Variants in NRG2 observed in about 807,000 individuals in gnomAD.
NRG2 encodes the protein pro-neuregulin-2, membrane-bound isoform.
In NRG2, 27 loss-of-function variants were observed where a neutral mutation model predicts 73.9. The ratio of observed to expected loss-of-function variants is 0.37; its 90% CI spans 0.27 to 0.50. The LOEUF is 0.50. NRG2 is among the 20% of genes least tolerant of loss of function. The probability of loss-of-function intolerance (pLI) is 0.96; values close to 1 mark genes in which losing one functional copy is unlikely to be tolerated. For synonymous variants in NRG2, 532 were observed against 541.0 expected (o/e 0.98, Z 0.23); for missense variants, 1,126 against 1,210.1 (o/e 0.93, Z 1.03).
At chr5:139,990,273 ATATTTTATTT>A (rs56983805) in intron 1 of NRG2, among the ~76,000 whole-genome samples, 44,986 of 145,688 alleles carry the variant, frequency 0.31, 7,320 homozygotes, top group East Asian at 0.6. Context: ...CCCACTAGCA[ATATTTTATTT>A]TATTTTATTT....
At chr5:139,864,051 C>T (rs750156117) in intron 5 of NRG2, among the ~76,000 whole-genome samples, 22 of 152,180 alleles carry the variant, frequency 1.4e-4, no homozygotes, top group Non-Finnish European at 2.1e-4. Flanking sequence ...AGAGTTCTAC[C>T]TCCCAGTATC....
At chr5:139,901,230 G>C (rs1267459388) in intron 1 of NRG2, among the ~76,000 whole-genome samples, 2 of 152,226 alleles carry the variant, frequency 1.3e-5, no homozygotes, top group African/African-American at 2.4e-5. Flanking sequence ...AGACTGATGA[G>C]TCCTGGTCTG....
intron 1 of NRG2, among the ~76,000 whole-genome samples, chr5:139,936,929 G>A (rs1179808141): frequency 6.6e-6 from 1 of 152,194 alleles, no homozygotes; most frequent in Non-Finnish European, 1.5e-5. Flanking sequence ...AGCCTCCTGA[G>A]TAGCTGGGAT....
In NRG2 at chr5:140,042,777, G is replaced by A. The variant is rs1472642540; in HGVS notation, c.293C>T (p.Ala98Val). 6.5e-6 allele frequency: 10 copies of A among 1,526,930 alleles called. No individual in the cohort carries two copies. The highest frequency in any genetic ancestry group is 7.0e-6 in the Non-Finnish European group (8 of 1,138,182). The allele number at this position is 1,526,930 out of a possible 1,614,324, so 94.6% of individuals were successfully genotyped here. Residue 98 changes from alanine to valine, a missense_variant, in exon 1 of 10, where the codon GCC becomes GTC. Coordinates refer to ENST00000361474, the MANE Select transcript of NRG2 (RefSeq NM_004883.3). ...AAAGGMRRDPAPGFSMLLFGV... is the reference protein window; with the variant it reads ...AAAGGMRRDPVPGFSMLLFGV... Reference sequence around the variant, plus strand: ...GAAGAGCAGCATGGAGAAGCCGGGGGCCGGGTCGCGCCTCATGCCGCCGGC... The same window carrying A: ...GAAGAGCAGCATGGAGAAGCCGGGGACCGGGTCGCGCCTCATGCCGCCGGC...
chr5:139,881,110 C>G (rs73791220), intron 2 of NRG2, 136 bp from the exon 3 acceptor site: 21,582 of 683,316 alleles, frequency 0.032, 1,344 homozygotes, highest in African/African-American at 0.18. Context: ...GATTCCCTCC[C>G]CCCAGCAATT....
intron 1 of NRG2, among the ~76,000 whole-genome samples, chr5:139,952,721 A>G (rs1754308484): frequency 6.6e-6 from 1 of 152,100 alleles, no homozygotes; most frequent in Non-Finnish European, 1.5e-5. Flanking sequence ...GAGTCAGATG[A>G]CCTCAGTGCT....
chr5:140,004,107 C>T (rs1398817862), intron 1 of NRG2, among the ~76,000 whole-genome samples: 2 of 152,030 alleles, frequency 1.3e-5, no homozygotes, highest in Non-Finnish European at 2.9e-5. Context: ...ATCATTTTTG[C>T]AAATTTTCTG....
rs1750870337 is a variant in NRG2 at position 139,912,115 on chromosome 5, T to G, written c.701-24604A>C. Among the ~76,000 whole-genome samples, 3 of 152,126 alleles carry G rather than the reference T, an allele frequency of 2.0e-5. No individual in the cohort carries two copies. In the South Asian group the frequency reaches 6.2e-4, roughly 32 times the overall value. ...AATTTGCTCACATCTCTCTATCCATTCTGGGAGGTCAGGCTGCAGGGGTCA... is the reference window on the plus strand; with the variant it reads ...AATTTGCTCACATCTCTCTATCCATGCTGGGAGGTCAGGCTGCAGGGGTCA... On this transcript the variant is annotated intron_variant, in intron 1 of 9. Coordinates refer to ENST00000361474, the MANE Select transcript of NRG2 (RefSeq NM_004883.3).
intron 1 of NRG2, among the ~76,000 whole-genome samples, chr5:139,991,687 G>A (rs1757642721): frequency 6.6e-6 from 1 of 152,106 alleles, no homozygotes; most frequent in African/African-American, 2.4e-5. Context: ...GTGAGCCACT[G>A]GGCTGACCTA....
chr5:140,018,323 T>C (rs1465533249), intron 1 of NRG2, among the ~76,000 whole-genome samples: 1 of 151,880 alleles, frequency 6.6e-6, no homozygotes, highest in Admixed American at 6.6e-5. Context: ...AAAACAGCAA[T>C]GAAGTAGAAG....
intron 1 of NRG2, among the ~76,000 whole-genome samples, chr5:139,953,672 A>T (rs1225755687): frequency 1.3e-5 from 2 of 152,186 alleles, no homozygotes; most frequent in African/African-American, 4.8e-5. Context: ...GTCTCAAAAG[A>T]TAAGAAGGAT....
rs113678882 is a variant in NRG2, at chr5:140,015,921, C to T, written c.700+26449G>A. Among the ~76,000 whole-genome samples, 276 of 152,308 alleles carry T rather than the reference C, an allele frequency of 1.8e-3. 1 individual carries two copies. Among genetic ancestry groups the T allele is most frequent in the African/African-American group, 5.8e-3 (239 of 41,546 alleles). ...ACCCAGAAACTGGAAAATCAAGTTA[C>T]TTCAACAAACACATCCCTTGTGTTT... On this transcript the variant is annotated intron_variant, in intron 1 of 9. Transcript: ENST00000361474.
At chr5:139,966,328 C>T (rs1755514786) in intron 1 of NRG2, among the ~76,000 whole-genome samples, 2 of 152,232 alleles carry the variant, frequency 1.3e-5, no homozygotes, top group South Asian at 4.1e-4. Context: ...GCGACAGGTA[C>T]TGCACTGGAA....
At chr5:139,938,711 T>C (rs1009581242) in intron 1 of NRG2, among the ~76,000 whole-genome samples, 1 of 151,692 alleles carries the variant, frequency 6.6e-6, no homozygotes, top group African/African-American at 2.4e-5. Flanking sequence ...TAGAACACAA[T>C]AGACTATCCA....
chr5:139,947,302 T>C (rs1753867808), intron 1 of NRG2, among the ~76,000 whole-genome samples: 1 of 152,234 alleles, frequency 6.6e-6, no homozygotes, highest in Non-Finnish European at 1.5e-5. Flanking sequence ...CTGCCTATTC[T>C]GGACATTTCA....
intron 1 of NRG2, among the ~76,000 whole-genome samples, chr5:139,980,452 T>C (rs1197257203): frequency 6.6e-6 from 1 of 152,074 alleles, no homozygotes; most frequent in East Asian, 1.9e-4. Flanking sequence ...CTTAGATCCA[T>C]AGGAATGTGC....
At chr5:139,958,780 C>G (rs139965644) in intron 1 of NRG2, among the ~76,000 whole-genome samples, 1 of 152,238 alleles carries the variant, frequency 6.6e-6, no homozygotes, top group East Asian at 1.9e-4. Flanking sequence ...CCACCACTCA[C>G]GTCTGTGATT....
chr5:139,881,769 TGAGAA>T (rs1763539674), intron 2 of NRG2, among the ~76,000 whole-genome samples: 1 of 152,198 alleles, frequency 6.6e-6, no homozygotes, highest in Non-Finnish European at 1.5e-5. Flanking sequence ...GGGCTATCTC[TGAGAA>T]AAGCTGGGGC....
At position 139,865,061 on chromosome 5, in the gene NRG2, AG is replaced by A. The variant is rs777718748; in HGVS notation, c.1189+487del. ...GCTAAGCAAGGCCCCATCCCTCCCC[AG>A]GGGGAGACTGTCAGTCACCAGGGAA... On this transcript the variant is annotated intron_variant, in intron 5 of 9. Coordinates refer to ENST00000361474, the MANE Select transcript of NRG2 (RefSeq NM_004883.3). The surrounding 1 kb of genome is among the most constrained non-coding windows in gnomAD (Gnocchi z 5.2). The A allele has an allele frequency of 6.5e-5, 94 of 1,448,322 alleles. No homozygotes were observed. The highest frequency in any genetic ancestry group is 8.4e-5 in the Admixed American group (5 of 59,650). 89.7% of individuals were successfully genotyped at this position (1,448,322 alleles called of 1,614,324 possible).
Sources: gnomAD v4.1 joint callset for allele counts (sites outside exome capture counted in the v4.1 genomes callset) on GRCh38, gnomAD v4.1.1 for gene constraint, Gnocchi (gnomAD v3.1) non-coding constraint, MANE v1.5 for transcripts, NCBI Gene and HGNC (gene_info 2026-07-23, HGNC 2026-07-21) for gene names.